The following TMEM114 variants were observed in gnomAD, a reference collection of about 807,000 sequenced individuals.
TMEM114 encodes claudin-26.
TMEM114 carries 6 observed loss-of-function variants against 6.2 expected under a neutral mutation model. That is an observed-to-expected ratio of 0.97 (90% CI 0.53 to 1.91). TMEM114 has a LOEUF of 1.91. Ranked by LOEUF, TMEM114 falls within the 40% of genes most tolerant of loss-of-function variation. The probability of loss-of-function intolerance (pLI) is 0.01; values close to 1 mark genes in which losing one functional copy is unlikely to be tolerated. For missense variants in TMEM114, 218 were observed against 158.3 expected, an observed-to-expected ratio of 1.38 and a Z score of -2.02; for synonymous variants, 104 against 73.0, an observed-to-expected ratio of 1.42 and a Z score of -2.16.
chr16:8,567,153 C>T (rs986823417), downstream of TMEM114, among the ~76,000 whole-genome samples: 1 of 151,938 alleles, frequency 6.6e-6, no homozygotes, highest in Non-Finnish European at 1.5e-5. Flanking sequence ...AGGTGACCTG[C>T]CTGTCTTGGC....
intron 2 of TMEM114, among the ~76,000 whole-genome samples, chr16:8,581,534 ACCTCTG>A (rs1209637832): frequency 1.3e-5 from 2 of 151,084 alleles, no homozygotes; most frequent in East Asian, 3.9e-4. Flanking sequence ...GCCCACTGAA[ACCTCTG>A]CCTCTTGAGC....
chr16:8,564,236 A>G (rs140298464), intron 2 of TMEM114, among the ~76,000 whole-genome samples: 2 of 9,988 alleles, frequency 2.0e-4, no homozygotes, highest in Admixed American at 1.1e-3. Context: ...TGAGTGAGTT[A>G]GTGAATGAGT....
intron 2 of TMEM114, among the ~76,000 whole-genome samples, chr16:8,561,108 C>T (rs1358261714): frequency 6.6e-6 from 1 of 152,152 alleles, no homozygotes; most frequent in Admixed American, 6.5e-5. Flanking sequence ...CGCACAGGGT[C>T]CCTCCTGGAA....
intron 2 of TMEM114, 138 bp from the exon 3 acceptor site, chr16:8,572,362 G>A: frequency 1.1e-6 from 1 of 886,552 alleles, no homozygotes; most frequent in Non-Finnish European, 1.8e-6. Flanking sequence ...TACTTCTACT[G>A]TTTCTGATGA....
At chr16:8,558,751 T>A (rs1034549229) in intron 2 of TMEM114, among the ~76,000 whole-genome samples, 1 of 151,852 alleles carries the variant, frequency 6.6e-6, no homozygotes, top group Non-Finnish European at 1.5e-5. Flanking sequence ...AGTTCTTTTT[T>A]TTTTTTTCGA....
At chr16:8,537,075 G>A (rs1900382057), downstream of TMEM114, among the ~76,000 whole-genome samples, 1 of 152,074 alleles carries the variant, frequency 6.6e-6, no homozygotes, top group Admixed American at 6.6e-5. Context: ...ACTTGGTGGT[G>A]CATACCTGTA....
intron 2 of TMEM114, among the ~76,000 whole-genome samples, chr16:8,545,703 T>C (rs1596468382): frequency 6.6e-6 from 1 of 152,212 alleles, no homozygotes; most frequent in African/African-American, 2.4e-5. Flanking sequence ...GGACCACACT[T>C]TGAGAATCAG....
chr16:8,572,788 A>T (rs72780543), intron 2 of TMEM114, among the ~76,000 whole-genome samples: 13,915 of 152,230 alleles, frequency 0.091, 831 homozygotes, highest in South Asian at 0.14. Context: ...CACACGCATC[A>T]TTAATTATTC....
At chr16:8,531,215 G>A in the TMEM114 span, among the ~76,000 whole-genome samples, 1 of 152,202 alleles carries the variant, frequency 6.6e-6, no homozygotes, top group African/African-American at 2.4e-5. Flanking sequence ...CAAATTGCAT[G>A]CTAATGGCCT....
At chr16:8,559,665 T>C (rs1416068540) in intron 2 of TMEM114, among the ~76,000 whole-genome samples, 1 of 152,126 alleles carries the variant, frequency 6.6e-6, no homozygotes, top group African/African-American at 2.4e-5. Flanking sequence ...ATTGAGGAAA[T>C]AGAAATGAAT....
intron 2 of TMEM114, among the ~76,000 whole-genome samples, chr16:8,578,356 T>C (rs894891036): frequency 1.3e-5 from 2 of 152,154 alleles, no homozygotes; most frequent in African/African-American, 4.8e-5. Flanking sequence ...TGGGAGCCGT[T>C]GGCAATCTGT....
At chr16:8,546,498 G>T (rs1344261877) in intron 2 of TMEM114, among the ~76,000 whole-genome samples, 1 of 152,142 alleles carries the variant, frequency 6.6e-6, no homozygotes, top group Admixed American at 6.5e-5. Flanking sequence ...CCAGCCCAGG[G>T]TGCCAACCTG....
chr16:8,568,825 T>C (rs1269014607), downstream of TMEM114, among the ~76,000 whole-genome samples: 4 of 152,036 alleles, frequency 2.6e-5, no homozygotes, highest in African/African-American at 9.7e-5. Context: ...CTAGAGAATA[T>C]CAGATCAAGG....
At chr16:8,533,506 A>C (rs1900274145), downstream of TMEM114, among the ~76,000 whole-genome samples, 1 of 152,254 alleles carries the variant, frequency 6.6e-6, no homozygotes, top group African/African-American at 2.4e-5. Context: ...GTCACAGGTT[A>C]GTATATTATT....
chr16:8,564,272 AG>A (rs2141675364), intron 2 of TMEM114, among the ~76,000 whole-genome samples: 2 of 114,960 alleles, frequency 1.7e-5, no homozygotes, highest in East Asian at 4.3e-4. Context: ...TGATGAAATA[AG>A]TGAATGAGTG....
chr16:8,543,860 G>C (rs1900586242), intron 2 of TMEM114, among the ~76,000 whole-genome samples: 1 of 152,198 alleles, frequency 6.6e-6, no homozygotes, highest in Non-Finnish European at 1.5e-5. Context: ...AGCTACTAGA[G>C]TAACCTAACG....
At chr16:8,566,949 G>A (rs1901567436), downstream of TMEM114, among the ~76,000 whole-genome samples, 1 of 133,896 alleles carries the variant, frequency 7.5e-6, no homozygotes, top group South Asian at 2.3e-4. Flanking sequence ...CACCCAGGCT[G>A]GAGCGCAATG....
At chr16:8,588,888 C>CT (rs1169299721) in intron 2 of TMEM114, among the ~76,000 whole-genome samples, 13 of 152,232 alleles carry the variant, frequency 8.5e-5, no homozygotes, top group African/African-American at 2.2e-4. Context: ...CTGCTGGACT[C>CT]TAACTGCGCG....
At chr16:8,586,549 G>C (rs2141702925) in intron 2 of TMEM114, among the ~76,000 whole-genome samples, 1 of 148,932 alleles carries the variant, frequency 6.7e-6, no homozygotes, top group Non-Finnish European at 1.5e-5. Flanking sequence ...TCACTCTGTT[G>C]CCCAGACTGG....
Sources: allele counts gnomAD v4.1 joint callset (sites outside exome capture counted in the v4.1 genomes callset), GRCh38; gene constraint gnomAD v4.1.1; transcripts MANE v1.5; gene names NCBI Gene and HGNC (gene_info 2026-07-23, HGNC 2026-07-21).